The following PWWP2A variants were observed in gnomAD, a reference collection of about 807,000 sequenced individuals.
PWWP2A encodes the protein PWWP domain containing 2A.
PWWP2A carries 18 observed loss-of-function variants against 48.5 expected under a neutral mutation model. The observed-to-expected ratio is 0.37, with a 90% confidence interval of 0.26 to 0.55. The LOEUF is 0.55. Ranked by LOEUF, PWWP2A falls within the 20% of genes least tolerant of loss-of-function variation. PWWP2A has a pLI of 0.81. For missense variants in PWWP2A, 867 were observed against 976.4 expected, an observed-to-expected ratio of 0.89 and a Z score of 1.49; for synonymous variants, 396 against 387.7, an observed-to-expected ratio of 1.02 and a Z score of -0.25.
downstream of PWWP2A, among the ~76,000 whole-genome samples, chr5:160,073,321 C>T (rs1753790241): frequency 6.6e-6 from 1 of 151,476 alleles, no homozygotes; most frequent in South Asian, 2.1e-4. Flanking sequence ...CTCTGCCTCC[C>T]GGGTTCACGC....
chr5:160,065,153 T>C, intron 4 of PWWP2A: 1 of 1,537,576 alleles, frequency 6.5e-7, no homozygotes, highest in Non-Finnish European at 8.8e-7. Flanking sequence ...TGTTTAACTT[T>C]TAAAAGCATC....
downstream of PWWP2A, chr5:160,090,420 T>C (rs781012876): frequency 9.2e-6 from 9 of 983,188 alleles, no homozygotes; most frequent in Non-Finnish European, 1.1e-5. Context: ...AAACAAATAC[T>C]TGGAAAATCT....
intron 3 of PWWP2A, among the ~76,000 whole-genome samples, chr5:160,079,321 A>G (rs1476115832): frequency 6.6e-6 from 1 of 151,996 alleles, no homozygotes; most frequent in Non-Finnish European, 1.5e-5. Context: ...ATCAAGCCCT[A>G]CAAAATACAT....
rs1373055098 is a variant in PWWP2A, at chr5:160,092,017, TATATATATACAC to T, written c.*353_*364del. ...GTGTGTATATATACATACACGGATA[TATATATATACAC>T]ACACACACACGTATATATATGTATA... is the stretch of plus-strand genomic sequence containing the variant. On this transcript the variant is annotated 3_prime_UTR_variant, in exon 2 of 2. Coordinates refer to ENST00000307063, the MANE Select transcript of PWWP2A (RefSeq NM_001130864.2). The T allele has an allele frequency of 2.8e-5, 13 of 466,782 alleles. 3 individuals carry two copies. Among genetic ancestry groups the T allele is most frequent in the African/African-American group, 4.5e-5 (2 of 44,002 alleles). The allele number at this position is 466,782 out of a possible 1,614,324, so 28.9% of individuals were successfully genotyped here.
At chr5:160,080,842 A>T (rs1754176336) in intron 2 of PWWP2A, 5 of 1,396,216 alleles carry the variant, frequency 3.6e-6, no homozygotes, top group Non-Finnish European at 9.6e-7. Context: ...TTACCAAAAA[A>T]ATAGTTTTAA....
intron 2 of PWWP2A, among the ~76,000 whole-genome samples, chr5:160,068,348 C>G (rs932268179): frequency 1.3e-5 from 2 of 152,054 alleles, no homozygotes; most frequent in African/African-American, 4.8e-5. Flanking sequence ...TCAAGTAATC[C>G]CAGCACTCTA....
At position 160,115,137 on chromosome 5, in the gene PWWP2A, C is replaced by CAAAAAAAAAA. The variant is rs535110852; in HGVS notation, c.584+3658_584+3667dup. The stretch of plus-strand genomic sequence containing the variant: ...CCTGGGTAACAGAGGGAGACTCTGT[C>CAAAAAAAAAA]AAAAAAAAAAAAAAAAAAAAAAAAA... On this transcript the variant is annotated intron_variant, in intron 1 of 1. Transcript: ENST00000307063. Among the ~76,000 whole-genome samples, 20 of 88,418 alleles carry CAAAAAAAAAA rather than the reference C, an allele frequency of 2.3e-4. 1 individual carries two copies. The highest frequency in any genetic ancestry group is 1.1e-3 in the African/African-American group (19 of 17,552). The allele number at this position is 88,418 out of a possible 152,430, so 58.0% of individuals were successfully genotyped here. A position where few individuals can be genotyped will look rare whatever the true frequency, so the allele number is the denominator to read the frequency against.
the PWWP2A span, among the ~76,000 whole-genome samples, chr5:160,054,492 G>A: frequency 2.6e-5 from 4 of 152,150 alleles, no homozygotes; most frequent in Admixed American, 2.6e-4. Flanking sequence ...GCACAAGACT[G>A]TGGTCCCAGC....
intron 1 of PWWP2A, among the ~76,000 whole-genome samples, chr5:160,104,955 C>G (rs1756714775): frequency 6.6e-6 from 1 of 151,850 alleles, no homozygotes; most frequent in African/African-American, 2.4e-5. Flanking sequence ...AGAAAGCATA[C>G]TGGTGGCCAG....
intron 1 of PWWP2A, among the ~76,000 whole-genome samples, 187 bp downstream of exon 1, chr5:160,118,618 G>A (rs1281671908): frequency 6.8e-6 from 1 of 147,530 alleles, no homozygotes; most frequent in African/African-American, 2.4e-5. Context: ...CCCACCTGGG[G>A]CCGGGACCGC....
At position 160,092,678 on chromosome 5, in the gene PWWP2A, T is replaced by C. The variant is rs1755202799; in HGVS notation, c.1972A>G (p.Ile658Val). The C allele has an allele frequency of 9.0e-6, 14 of 1,551,648 alleles. No homozygotes were observed. The highest frequency in any genetic ancestry group is 1.1e-5 in the Non-Finnish European group (13 of 1,146,988). Residue 658 changes from isoleucine to valine, a missense_variant, in exon 2 of 2, where the codon ATT becomes GTT. Ile to Val is a conservative substitution (Grantham distance 29). Transcript: ENST00000307063. The part of the protein sequence containing the change: ...PDGRTICVGD[I>V]VWAKIYGFPW... Reference sequence around the variant, plus strand: ...AAGCCATATATCTTGGCCCAAACAATGTCCCCTACACATATGGTCCTGCCA... The same window carrying C: ...AAGCCATATATCTTGGCCCAAACAACGTCCCCTACACATATGGTCCTGCCA...
At chr5:160,103,607 G>A (rs2113608902) in intron 1 of PWWP2A, among the ~76,000 whole-genome samples, 2 of 152,218 alleles carry the variant, frequency 1.3e-5, no homozygotes, top group Middle Eastern at 6.8e-3. Flanking sequence ...ATGGGACCTA[G>A]AAAGGCTCAA....
intron 1 of PWWP2A, among the ~76,000 whole-genome samples, chr5:160,095,744 A>C: frequency 7.2e-6 from 1 of 139,184 alleles, no homozygotes; most frequent in East Asian, 2.1e-4. Flanking sequence ...TCCAGGCTGC[A>C]GTGCAAGTGG....
At chr5:160,076,454 G>A (rs1753892185) in exon 4 of PWWP2A, 1 of 152,136 alleles carries the variant, frequency 6.6e-6, no homozygotes. Context: ...CACCCCTATA[G>A]TATAGTTCAT....
At chr5:160,115,984 A>C (rs979049746) in intron 1 of PWWP2A, among the ~76,000 whole-genome samples, 5 of 152,212 alleles carry the variant, frequency 3.3e-5, no homozygotes, top group Non-Finnish European at 7.3e-5. Context: ...TAAAAAAAAA[A>C]AGGAAATCCA....
chr5:160,068,088 G>A (rs142806843), intron 2 of PWWP2A, among the ~76,000 whole-genome samples: 2 of 152,190 alleles, frequency 1.3e-5, no homozygotes, highest in Admixed American at 6.5e-5. Flanking sequence ...GGCTAAGGCA[G>A]GAGAATCGCT....
intron 1 of PWWP2A, among the ~76,000 whole-genome samples, chr5:160,108,291 G>C (rs1404395332): frequency 1.3e-5 from 2 of 152,142 alleles, no homozygotes; most frequent in Non-Finnish European, 2.9e-5. Flanking sequence ...ACATGCAATG[G>C]AAGAGCTCAC....
chr5:160,091,135 T>C (rs1755023630), downstream of PWWP2A: 1 of 981,558 alleles, frequency 1.0e-6, no homozygotes, highest in Non-Finnish European at 1.2e-6. Flanking sequence ...TTATCAAACC[T>C]CTATACTACA....
intron 2 of PWWP2A, among the ~76,000 whole-genome samples, chr5:160,067,545 G>A (rs17057399): frequency 0.06 from 9,180 of 152,142 alleles, 308 homozygotes; most frequent in East Asian, 0.1. Context: ...CCATTGCCAC[G>A]AGTGTAGAGG....
Sources: allele counts gnomAD v4.1 joint callset (sites outside exome capture counted in the v4.1 genomes callset), GRCh38; gene constraint gnomAD v4.1.1; transcripts MANE v1.5; gene names NCBI Gene and HGNC (gene_info 2026-07-23, HGNC 2026-07-21).